Variants in STK31 observed in about 807,000 individuals in gnomAD.
The protein encoded by STK31 is serine/threonine kinase 31.
A neutral mutation model predicts 129.7 loss-of-function variants in STK31; 89 were observed. The observed-to-expected ratio is 0.69, with a 90% CI of 0.58 to 0.82. The LOEUF is 0.82. Ranked by LOEUF, STK31 falls within the 40% of genes least tolerant of loss-of-function variation. STK31 has a pLI of 0.00. For missense variants in STK31, 1,187 were observed against 1,176.4 expected (o/e 1.01, Z -0.13); for synonymous variants, 448 against 395.3 (o/e 1.13, Z -1.58).
chr7:23,825,286 G>A (rs1210092410), intron 23 of STK31, among the ~76,000 whole-genome samples: 1 of 152,130 alleles, frequency 6.6e-6, no homozygotes, highest in Non-Finnish European at 1.5e-5. Context: ...GCCTGTTATT[G>A]GTCTATTCAG....
chr7:23,775,116 G>A (rs934908937), intron 15 of STK31, among the ~76,000 whole-genome samples: 3 of 151,258 alleles, frequency 2.0e-5, no homozygotes, highest in African/African-American at 7.4e-5. Context: ...CTTCTGTCAG[G>A]TTTGTCAAAG....
intron 8 of STK31, among the ~76,000 whole-genome samples, chr7:23,749,174 A>T (rs1302563789): frequency 6.6e-6 from 1 of 152,144 alleles, no homozygotes; most frequent in Non-Finnish European, 1.5e-5. Flanking sequence ...ACTACATGCT[A>T]TCTACTTTCT....
intron 22 of STK31, among the ~76,000 whole-genome samples, chr7:23,811,864 G>A (rs908081700): frequency 6.6e-5 from 10 of 152,180 alleles, no homozygotes; most frequent in Non-Finnish European, 1.0e-4. Flanking sequence ...TTTGAGTGAA[G>A]TATAGAAACC....
Position 23,768,981 on chromosome 7 carries a change from A to T in STK31, c.1417-14A>T. Reference sequence around the variant, plus strand: ...TTAATAAACTTTAATAAACAGAAGTATATCTCTCTGCAGGATTTGTCAGTC... The same window carrying T: ...TTAATAAACTTTAATAAACAGAAGTTTATCTCTCTGCAGGATTTGTCAGTC... On this transcript the variant is annotated splice_polypyrimidine_tract_variant and intron_variant, in intron 11 of 23. Coordinates refer to ENST00000355870, the MANE Select transcript of STK31 (RefSeq NM_031414.5). The T allele has an allele frequency of 6.4e-7, 1 of 1,571,276 alleles. No individual in the cohort carries two copies. Among genetic ancestry groups the T allele is most frequent in the Non-Finnish European group, 8.6e-7 (1 of 1,161,544 alleles).
At chr7:23,783,039 G>A (rs1041679893) in intron 16 of STK31, among the ~76,000 whole-genome samples, 1 of 152,102 alleles carries the variant, frequency 6.6e-6, no homozygotes, top group Non-Finnish European at 1.5e-5. Context: ...TGAACAATTC[G>A]CAAATTGGGC....
At chr7:23,791,247 T>G in intron 22 of STK31, 1 of 984,496 alleles carries the variant, frequency 1.0e-6, no homozygotes, top group Admixed American at 6.1e-5. Flanking sequence ...AAAATAAATG[T>G]TAAATAAGCC....
chr7:23,772,305 T>C (rs767267487), intron 15 of STK31, 27 bp downstream of exon 15: 1 of 1,591,632 alleles, frequency 6.3e-7, no homozygotes, highest in South Asian at 1.2e-5. Flanking sequence ...TTCTTACTGA[T>C]CTTTATGTGC....
At chr7:23,773,757 A>G in intron 15 of STK31, among the ~76,000 whole-genome samples, 1 of 136,876 alleles carries the variant, frequency 7.3e-6, no homozygotes, top group African/African-American at 2.7e-5. Context: ...GTGTGTGTGT[A>G]TTTGTATGTT....
At chr7:23,725,557 T>C (rs1256454733) in intron 4 of STK31, among the ~76,000 whole-genome samples, 3 of 152,008 alleles carry the variant, frequency 2.0e-5, no homozygotes, top group East Asian at 1.9e-4. Flanking sequence ...AAAGTAGTTA[T>C]CAGCCTGCAG....
intron 4 of STK31, 130 bp from the exon 5 acceptor site, chr7:23,727,111 T>C: frequency 1.4e-6 from 1 of 714,470 alleles, no homozygotes; most frequent in East Asian, 2.8e-5. Flanking sequence ...CTGATAGGAT[T>C]GTGAGAATTA....
chr7:23,807,424 A>G (rs1792777647), intron 22 of STK31, among the ~76,000 whole-genome samples: 1 of 152,168 alleles, frequency 6.6e-6, no homozygotes, highest in South Asian at 2.1e-4. Flanking sequence ...TGTCATTTGA[A>G]TCATTTCCTT....
chr7:23,736,088 G>A (rs1023844530), intron 7 of STK31, among the ~76,000 whole-genome samples, 192 bp downstream of exon 7: 4 of 152,066 alleles, frequency 2.6e-5, no homozygotes, highest in African/African-American at 9.7e-5. Context: ...AAGCTATTTT[G>A]AAAGAAAAAT....
intron 23 of STK31, among the ~76,000 whole-genome samples, chr7:23,820,625 T>C (rs1793736049): frequency 1.3e-5 from 2 of 152,190 alleles, no homozygotes; most frequent in Non-Finnish European, 2.9e-5. Context: ...TTATTTCTTC[T>C]GTCAACCTGG....
At chr7:23,758,594 G>C (rs1287664501) in intron 10 of STK31, among the ~76,000 whole-genome samples, 2 of 151,986 alleles carry the variant, frequency 1.3e-5, no homozygotes, top group African/African-American at 4.8e-5. Context: ...CTAGCTTTCT[G>C]ATGTGGGTAT....
chr7:23,758,030 A>G (rs1249514939), intron 10 of STK31, among the ~76,000 whole-genome samples: 1 of 152,206 alleles, frequency 6.6e-6, no homozygotes, highest in Non-Finnish European at 1.5e-5. Context: ...CACATGTCGT[A>G]GGGAGCACAG....
At chr7:23,749,766 C>T (rs1213261462) in intron 8 of STK31, among the ~76,000 whole-genome samples, 34 of 152,138 alleles carry the variant, frequency 2.2e-4, no homozygotes, top group South Asian at 2.1e-4. Flanking sequence ...GTTGTATAGT[C>T]CTGTGATTAG....
At position 23,736,832 on chromosome 7, in the gene STK31, A is replaced by G. The variant is rs1274582645; in HGVS notation, c.843-72A>G. On this transcript the variant is annotated intron_variant, in intron 7 of 23. Coordinates refer to ENST00000355870, the MANE Select transcript of STK31 (RefSeq NM_031414.5). ...TATATTGTGGCATAAAAGGACCAAG[A>G]TAACTTAGATTTGTTTTCTGTGTCA... 2.0e-5 allele frequency: 26 copies of G among 1,288,240 alleles called. No individual in the cohort carries two copies. The African/African-American group carries it at 2.1e-4, about 10-fold the overall frequency. The allele number at this position is 1,288,240 out of a possible 1,614,324, so 79.8% of individuals were successfully genotyped here.
chr7:23,710,886 G>A (rs1440355744), intron 1 of STK31: 6 of 774,188 alleles, frequency 7.8e-6, no homozygotes, highest in Non-Finnish European at 9.4e-6. Flanking sequence ...AATGCTTTCC[G>A]TGGGAATATA....
At chr7:23,775,044 C>G (rs986242732) in intron 15 of STK31, among the ~76,000 whole-genome samples, 3 of 152,074 alleles carry the variant, frequency 2.0e-5, no homozygotes, top group Non-Finnish European at 4.4e-5. Flanking sequence ...ATCCTTTCCC[C>G]ATTGCTTTCC....
Sources: allele counts gnomAD v4.1 joint callset (sites outside exome capture counted in the v4.1 genomes callset), GRCh38; gene constraint gnomAD v4.1.1; transcripts MANE v1.5; gene names NCBI Gene and HGNC (gene_info 2026-07-23, HGNC 2026-07-21).